ACOXL: variants seen among roughly 807,000 people sequenced by gnomAD.
ACOXL encodes acyl-coenzyme A oxidase-like protein.
ACOXL carries 70 observed loss-of-function variants against 71.9 expected under a neutral mutation model. That is an observed-to-expected ratio of 0.97 (90% CI 0.80 to 1.19). The LOEUF is 1.19. ACOXL is among the 50% of genes most tolerant of loss of function. The pLI is 0.00. For missense variants in ACOXL, 703 were observed against 736.3 expected, an observed-to-expected ratio of 0.95 and a Z score of 0.52; for synonymous variants, 253 against 281.6, an observed-to-expected ratio of 0.90 and a Z score of 1.02.
chr2:111,035,410 C>T lies in ACOXL; in HGVS notation c.1369+3696C>T, dbSNP rs117888083. On this transcript the variant is annotated intron_variant, in intron 15 of 17. Transcript: ENST00000439055. ...CATTTTTGTCTTGCCCTAGAAAGTG[C>T]AGCTCTGAAGCCTTGGTGCTGTCTG... Among the ~76,000 whole-genome samples the T allele has an allele frequency of 1.8e-3, 277 of 152,316 alleles. 6 individuals carry two copies. The East Asian group carries it at 0.043, about 24-fold the overall frequency.
At chr2:110,839,537 A>T (rs1690877726) in intron 9 of ACOXL, among the ~76,000 whole-genome samples, 1 of 152,144 alleles carries the variant, frequency 6.6e-6, no homozygotes, top group South Asian at 2.1e-4. Context: ...TGTGCAATCA[A>T]CCTGATTTTA....
chr2:110,828,123 A>G (rs1689377766), intron 9 of ACOXL, among the ~76,000 whole-genome samples: 1 of 152,136 alleles, frequency 6.6e-6, no homozygotes, highest in Non-Finnish European at 1.5e-5. Flanking sequence ...GGCACATGCC[A>G]TCGCACCTGG....
At chr2:110,972,676 C>A (rs200961544) in intron 12 of ACOXL, among the ~76,000 whole-genome samples, 2 of 142,026 alleles carry the variant, frequency 1.4e-5, no homozygotes, top group East Asian at 2.1e-4. Context: ...CACACACACA[C>A]AAAATTCAAG....
At chr2:110,820,256 G>A (rs1021573985) in intron 9 of ACOXL, among the ~76,000 whole-genome samples, 2 of 152,124 alleles carry the variant, frequency 1.3e-5, no homozygotes, top group African/African-American at 4.8e-5. Context: ...ACAGGAGCAC[G>A]TCTGAGCCCA....
At chr2:110,890,270 C>G (rs139739119) in intron 10 of ACOXL, among the ~76,000 whole-genome samples, 1,689 of 150,076 alleles carry the variant, frequency 0.011, 29 homozygotes, top group African/African-American at 0.039. Context: ...TTTTCACTTT[C>G]TTGATGATTT....
chr2:110,990,326 T>C (rs894150363), intron 13 of ACOXL, among the ~76,000 whole-genome samples: 3 of 152,216 alleles, frequency 2.0e-5, no homozygotes, highest in Non-Finnish European at 4.4e-5. Flanking sequence ...TTTTAAATTA[T>C]GATTTTTGTA....
At chr2:110,936,366 A>G (rs1363143381) in intron 12 of ACOXL, among the ~76,000 whole-genome samples, 2 of 152,116 alleles carry the variant, frequency 1.3e-5, no homozygotes, top group Non-Finnish European at 2.9e-5. Flanking sequence ...CCTGGGCTCA[A>G]GCAATCCTCC....
intron 15 of ACOXL, among the ~76,000 whole-genome samples, chr2:111,032,020 G>A (rs2065295085): frequency 6.6e-6 from 1 of 152,226 alleles, no homozygotes; most frequent in South Asian, 2.1e-4. Context: ...CAAAATGCCT[G>A]TCCCTCAGAA....
rs577581778 is a variant in ACOXL, at chr2:110,856,573, A to C, written c.788+15168A>C. Among the ~76,000 whole-genome samples the C allele has an allele frequency of 7.9e-5, 12 of 152,360 alleles. No individual in the cohort carries two copies. In the South Asian group the frequency reaches 2.5e-3, roughly 32 times the overall value. ...GTTGCTAAGATCTACAGAAAGAAGGAGTCTTCTACCTGTGAAATTGTGAAG... is the reference window on the plus strand; with the variant it reads ...GTTGCTAAGATCTACAGAAAGAAGGCGTCTTCTACCTGTGAAATTGTGAAG... On this transcript the variant is annotated intron_variant, in intron 10 of 17. Coordinates refer to ENST00000439055, the MANE Select transcript of ACOXL (RefSeq NM_001142807.4).
At chr2:110,897,859 CAA>C (rs1434735039) in intron 10 of ACOXL, among the ~76,000 whole-genome samples, 1 of 151,242 alleles carries the variant, frequency 6.6e-6, no homozygotes, top group Non-Finnish European at 1.5e-5. Context: ...GTGAGACTGT[CAA>C]AGAAAAAAGA....
intron 14 of ACOXL, among the ~76,000 whole-genome samples, chr2:111,027,521 C>T (rs1237720991): frequency 6.6e-6 from 1 of 151,668 alleles, no homozygotes; most frequent in African/African-American, 2.4e-5. Flanking sequence ...AGGGTTTCAC[C>T]ATATTGGCCA....
intron 15 of ACOXL, among the ~76,000 whole-genome samples, chr2:111,046,012 CA>C (rs767599952): frequency 9.9e-5 from 15 of 152,206 alleles, no homozygotes; most frequent in Non-Finnish European, 2.1e-4. Context: ...CCATCTCCTG[CA>C]CCCTCTCCTG....
intron 10 of ACOXL, among the ~76,000 whole-genome samples, chr2:110,907,229 G>A (rs2059485602): frequency 2.0e-5 from 3 of 152,302 alleles, no homozygotes; most frequent in East Asian, 3.9e-4. Flanking sequence ...GCATGGGTGT[G>A]GGGAGAGAGG....
At chr2:110,870,496 C>G (rs1382291212) in intron 10 of ACOXL, among the ~76,000 whole-genome samples, 1 of 152,146 alleles carries the variant, frequency 6.6e-6, no homozygotes, top group Non-Finnish European at 1.5e-5. Context: ...TGTGACAAAC[C>G]TTCTAGGTGG....
chr2:111,005,181 A>G (rs944409687), intron 14 of ACOXL, among the ~76,000 whole-genome samples: 4 of 152,060 alleles, frequency 2.6e-5, no homozygotes, highest in Non-Finnish European at 5.9e-5. Context: ...GGTGTCCCCC[A>G]CTTCAGGGTG....
At chr2:110,956,722 T>C (rs2149430624) in intron 12 of ACOXL, among the ~76,000 whole-genome samples, 1 of 152,370 alleles carries the variant, frequency 6.6e-6, no homozygotes, top group South Asian at 2.1e-4. Context: ...TGTTTTGTCT[T>C]TTTCAAATTA....
At chr2:110,820,798 T>A (rs1688506244) in intron 9 of ACOXL, among the ~76,000 whole-genome samples, 1 of 152,086 alleles carries the variant, frequency 6.6e-6, no homozygotes, top group South Asian at 2.1e-4. Flanking sequence ...GATTTGGAAA[T>A]TCACCAATTG....
intron 10 of ACOXL, among the ~76,000 whole-genome samples, chr2:110,862,298 A>G (rs1694044926): frequency 6.6e-6 from 1 of 152,062 alleles, no homozygotes; most frequent in Non-Finnish European, 1.5e-5. Context: ...ATTTCTGGAG[A>G]TTACAGGGCC....
intron 9 of ACOXL, among the ~76,000 whole-genome samples, chr2:110,814,695 T>C (rs538501112): frequency 1.3e-5 from 2 of 152,344 alleles, no homozygotes; most frequent in South Asian, 4.1e-4. Flanking sequence ...TTGTTCACTG[T>C]AGAACTACAT....
Sources: allele counts gnomAD v4.1 joint callset (sites outside exome capture counted in the v4.1 genomes callset), GRCh38; gene constraint gnomAD v4.1.1; transcripts MANE v1.5; gene names NCBI Gene and HGNC (gene_info 2026-07-23, HGNC 2026-07-21).